CHST11: variants seen among roughly 807,000 people sequenced by gnomAD.
The protein encoded by CHST11 is carbohydrate sulfotransferase 11.
In CHST11, 9 loss-of-function variants were observed where a neutral mutation model predicts 30.4. The observed-to-expected ratio is 0.30, with a 90% CI of 0.18 to 0.52. The LOEUF is 0.52. Among genes scored for constraint, CHST11 ranks in the 20% least tolerant of loss-of-function variants. The pLI is 0.97. For missense variants in CHST11, 348 were observed against 460.6 expected (o/e 0.76, Z 2.24); for synonymous variants, 152 against 187.8 (o/e 0.81, Z 1.56).
intron 1 of CHST11, among the ~76,000 whole-genome samples, chr12:104,541,158 A>T (rs971717910): frequency 6.6e-6 from 1 of 151,928 alleles, no homozygotes; most frequent in African/African-American, 2.4e-5. Flanking sequence ...ACACACACAC[A>T]CATTTTAAAA....
intron 1 of CHST11, among the ~76,000 whole-genome samples, chr12:104,467,360 T>C (rs2037469688): frequency 6.6e-6 from 1 of 152,224 alleles, no homozygotes. Flanking sequence ...TGATGTTTCC[T>C]TCCCGGACCC....
At chr12:104,578,857 G>A (rs984334020) in intron 1 of CHST11, among the ~76,000 whole-genome samples, 2 of 152,202 alleles carry the variant, frequency 1.3e-5, no homozygotes, top group African/African-American at 2.4e-5. Context: ...AACCCCTCAT[G>A]TTCTCAGGTA....
chr12:104,502,393 A>G (rs1008040381), intron 1 of CHST11, among the ~76,000 whole-genome samples: 2 of 152,146 alleles, frequency 1.3e-5, no homozygotes, highest in East Asian at 1.9e-4. Context: ...ACAGTCTAGG[A>G]AAATAATAAT....
At chr12:104,708,611 G>A (rs999720391) in intron 2 of CHST11, among the ~76,000 whole-genome samples, 1 of 152,132 alleles carries the variant, frequency 6.6e-6, no homozygotes, top group Non-Finnish European at 1.5e-5. Context: ...TCTTCCTCCA[G>A]GTGCCCCCTC....
intron 2 of CHST11, among the ~76,000 whole-genome samples, chr12:104,718,685 G>A (rs2040150695): frequency 2.0e-5 from 3 of 152,096 alleles, no homozygotes; most frequent in Admixed American, 2.0e-4. Flanking sequence ...GAAATTGGGG[G>A]CGTCTCCTCC....
chr12:104,635,476 G>A (rs1412804406), intron 2 of CHST11, among the ~76,000 whole-genome samples: 2 of 152,178 alleles, frequency 1.3e-5, no homozygotes, highest in Non-Finnish European at 2.9e-5. Flanking sequence ...TCACAGGGGG[G>A]TTGGAAGGAG....
intron 1 of CHST11, among the ~76,000 whole-genome samples, chr12:104,556,139 G>A (rs1295154940): frequency 6.6e-6 from 1 of 152,230 alleles, no homozygotes; most frequent in Non-Finnish European, 1.5e-5. Context: ...AGCAGCAGCT[G>A]ATGCTTGTTT....
At chr12:104,592,994 A>G (rs1270216611) in intron 1 of CHST11, among the ~76,000 whole-genome samples, 1 of 152,140 alleles carries the variant, frequency 6.6e-6, no homozygotes, top group Non-Finnish European at 1.5e-5. Flanking sequence ...TTCAAAGCTG[A>G]GTATTAGAGT....
At chr12:104,514,002 A>G (rs930400041) in intron 1 of CHST11, 3 of 730,036 alleles carry the variant, frequency 4.1e-6, no homozygotes, top group African/African-American at 3.4e-5. Flanking sequence ...CAGGGGCTGC[A>G]GGGCAGTGGG....
At chr12:104,612,404 C>A (rs10861254) in intron 2 of CHST11, among the ~76,000 whole-genome samples, 1 of 152,116 alleles carries the variant, frequency 6.6e-6, no homozygotes, top group Non-Finnish European at 1.5e-5. Flanking sequence ...GGTGCTCCCC[C>A]TGTGTGGGTG....
chr12:104,485,480 C>T (rs984868351), intron 1 of CHST11, among the ~76,000 whole-genome samples: 20 of 152,192 alleles, frequency 1.3e-4, no homozygotes, highest in African/African-American at 4.8e-4. Flanking sequence ...TAAGAAGGAT[C>T]CACGACCTTT....
At chr12:104,618,059 C>A (rs1258341349) in intron 2 of CHST11, among the ~76,000 whole-genome samples, 3 of 151,760 alleles carry the variant, frequency 2.0e-5, no homozygotes, top group African/African-American at 7.3e-5. Context: ...CAGGTGTGCA[C>A]CACCACGCCC....
At chr12:104,685,461 C>T (rs1196870206) in intron 2 of CHST11, among the ~76,000 whole-genome samples, 3 of 152,144 alleles carry the variant, frequency 2.0e-5, no homozygotes, top group Non-Finnish European at 4.4e-5. Context: ...AAATTTTGAA[C>T]ACCTTTTCTC....
intron 2 of CHST11, among the ~76,000 whole-genome samples, chr12:104,689,442 C>T (rs928535452): frequency 3.3e-5 from 5 of 152,352 alleles, no homozygotes; most frequent in Admixed American, 6.5e-5. Flanking sequence ...GAACATACTT[C>T]CCAGCAGCTG....
At chr12:104,527,161 A>T (rs1380743088) in intron 1 of CHST11, among the ~76,000 whole-genome samples, 1 of 152,186 alleles carries the variant, frequency 6.6e-6, no homozygotes, top group Non-Finnish European at 1.5e-5. Context: ...ATTAAGGTAA[A>T]ATGGGGTCAT....
At chr12:104,696,888 T>C (rs1156310996) in intron 2 of CHST11, among the ~76,000 whole-genome samples, 4 of 152,222 alleles carry the variant, frequency 2.6e-5, no homozygotes, top group African/African-American at 7.2e-5. Context: ...CTGAATATAT[T>C]ACTCTTCAAT....
intron 2 of CHST11, among the ~76,000 whole-genome samples, chr12:104,660,966 A>G (rs147363075): frequency 1.3e-5 from 2 of 152,272 alleles, no homozygotes; most frequent in African/African-American, 4.8e-5. Flanking sequence ...AGGGCTCAGC[A>G]TGCAAGAGAA....
Position 104,650,981 on chromosome 12 carries a change from A to C in CHST11, c.204+48990A>C, listed in dbSNP as rs144843709. ...GGTTGTTGCAAGTGTTAAATGATTT[A>C]ATACTTGTGAAGAGCTTAGCACATA... On this transcript the variant is annotated intron_variant, in intron 2 of 2. Coordinates refer to ENST00000303694, the MANE Select transcript of CHST11 (RefSeq NM_018413.6). 3.4e-3 allele frequency among the ~76,000 whole-genome samples: 513 copies of C among 152,322 alleles called. 5 individuals carry two copies. Among genetic ancestry groups the C allele is most frequent in the African/African-American group, 0.012 (488 of 41,564 alleles).
At chr12:104,459,757 C>T (rs1043701328) in intron 1 of CHST11, among the ~76,000 whole-genome samples, 3 of 152,188 alleles carry the variant, frequency 2.0e-5, no homozygotes, top group African/African-American at 7.2e-5. Flanking sequence ...TGTCGATGAT[C>T]CTGCCCCATC....
Sources: gnomAD v4.1 joint callset for allele counts (sites outside exome capture counted in the v4.1 genomes callset) on GRCh38, gnomAD v4.1.1 for gene constraint, MANE v1.5 for transcripts, NCBI Gene and HGNC (gene_info 2026-07-23, HGNC 2026-07-21) for gene names.